Variants in TTC28 observed in about 807,000 individuals in gnomAD.
TTC28 encodes tetratricopeptide repeat protein 28.
A neutral mutation model predicts 198.0 loss-of-function variants in TTC28; 61 were observed. The ratio of observed to expected loss-of-function variants is 0.31; its 90% CI spans 0.25 to 0.38. The LOEUF is 0.38. Among genes scored for constraint, TTC28 ranks in the 10% least tolerant of loss-of-function variants. TTC28 has a pLI of 1.00. For synonymous variants in TTC28, 1,171 were observed against 1,297.8 expected, an observed-to-expected ratio of 0.90 and a Z score of 2.10; for missense variants, 2,678 against 3,164.0, an observed-to-expected ratio of 0.85 and a Z score of 3.69.
chr22:28,127,389 A>G (rs962946268), intron 6 of TTC28, among the ~76,000 whole-genome samples: 2 of 152,204 alleles, frequency 1.3e-5, no homozygotes, highest in Non-Finnish European at 2.9e-5. Context: ...CACTTACTCC[A>G]GTGTAATGGT....
chr22:28,669,868 C>A (rs1232863222), intron 1 of TTC28, among the ~76,000 whole-genome samples: 1 of 151,930 alleles, frequency 6.6e-6, no homozygotes, highest in Admixed American at 6.6e-5. Flanking sequence ...CAATTACTGG[C>A]AAAAAATGTT....
At chr22:28,084,428 C>T (rs529339678) in intron 12 of TTC28, among the ~76,000 whole-genome samples, 14 of 152,286 alleles carry the variant, frequency 9.2e-5, no homozygotes, top group African/African-American at 3.4e-4. Flanking sequence ...CAGTAAACTC[C>T]AACAGACCTG....
At chr22:28,583,989 TTTTTTGTTTTG>T (rs1258285445) in intron 2 of TTC28, among the ~76,000 whole-genome samples, 3 of 151,266 alleles carry the variant, frequency 2.0e-5, no homozygotes, top group Middle Eastern at 3.4e-3. Context: ...TCTCCGTTTT[TTTTTTGTTTTG>T]TTTTTGTTTT....
chr22:28,410,612 G>A (rs2047066147), intron 2 of TTC28, among the ~76,000 whole-genome samples: 1 of 152,274 alleles, frequency 6.6e-6, no homozygotes, highest in Admixed American at 6.5e-5. Context: ...AAGATGTGTG[G>A]GATTCAGAAA....
intron 2 of TTC28, among the ~76,000 whole-genome samples, chr22:28,541,467 A>C (rs12165880): frequency 0.018 from 2,716 of 152,322 alleles, 48 homozygotes; most frequent in Non-Finnish European, 0.025. Context: ...ACAAGTATGC[A>C]AATAATTGCC....
chr22:28,430,819 C>T (rs188918652), intron 2 of TTC28, among the ~76,000 whole-genome samples: 230 of 151,788 alleles, frequency 1.5e-3, no homozygotes, highest in Non-Finnish European at 2.7e-3. Context: ...GGCCAATCAC[C>T]GTCTGGATTT....
chr22:28,367,325 G>A (rs575165322), intron 2 of TTC28, among the ~76,000 whole-genome samples: 4 of 152,120 alleles, frequency 2.6e-5, no homozygotes, highest in African/African-American at 9.6e-5. Flanking sequence ...TAAACAAAAT[G>A]CTCCTGAATG....
At chr22:28,391,127 CT>C (rs2046711787) in intron 2 of TTC28, among the ~76,000 whole-genome samples, 1 of 152,082 alleles carries the variant, frequency 6.6e-6, no homozygotes, top group South Asian at 2.1e-4. Context: ...ATATGAAATT[CT>C]GGGTTGAAAA....
intron 2 of TTC28, among the ~76,000 whole-genome samples, chr22:28,346,156 GTAAA>G (rs1425373053): frequency 6.6e-6 from 1 of 152,084 alleles, no homozygotes; most frequent in Admixed American, 6.6e-5. Flanking sequence ...ATTCAAGAGG[GTAAA>G]TAAATTGCCC....
chr22:28,155,400 G>A (rs1263577831), intron 6 of TTC28, among the ~76,000 whole-genome samples: 1 of 152,174 alleles, frequency 6.6e-6, no homozygotes, highest in African/African-American at 2.4e-5. Context: ...CCACAGAGTA[G>A]AACATAGTTC....
At chr22:28,120,593 G>C (rs1011015970) in intron 6 of TTC28, among the ~76,000 whole-genome samples, 6 of 152,162 alleles carry the variant, frequency 3.9e-5, no homozygotes, top group Admixed American at 6.5e-5. Flanking sequence ...TGAAGACAAA[G>C]CCCATCCTCC....
intron 5 of TTC28, among the ~76,000 whole-genome samples, chr22:28,193,650 A>G (rs1925101599): frequency 6.6e-6 from 1 of 152,208 alleles, no homozygotes; most frequent in Non-Finnish European, 1.5e-5. Context: ...GTCTCGGATA[A>G]AACAGACTTT....
intron 12 of TTC28, among the ~76,000 whole-genome samples, chr22:28,089,246 A>G (rs960310433): frequency 4.6e-5 from 7 of 152,170 alleles, no homozygotes; most frequent in Admixed American, 4.6e-4. Flanking sequence ...TCACAATAGC[A>G]AAGACTTGGA....
intron 13 of TTC28, among the ~76,000 whole-genome samples, chr22:28,016,154 GC>G (rs1938365070): frequency 6.6e-6 from 1 of 152,072 alleles, no homozygotes; most frequent in Non-Finnish European, 1.5e-5. Context: ...GGGCCAGGGA[GC>G]CCACTCACAT....
At chr22:28,132,085 A>G (rs1943071206) in intron 6 of TTC28, among the ~76,000 whole-genome samples, 1 of 152,194 alleles carries the variant, frequency 6.6e-6, no homozygotes, top group South Asian at 2.1e-4. Context: ...AAGAAAAAAG[A>G]AAAATGCTCA....
rs1465795472 is a variant in TTC28 at position 28,071,476 on chromosome 22, G to A, written c.3932+22604C>T. 2.0e-5 allele frequency among the ~76,000 whole-genome samples: 3 copies of A among 147,794 alleles called. No homozygotes were observed. The Admixed American group carries it at 2.0e-4, about 10-fold the overall frequency. On this transcript the variant is annotated intron_variant, in intron 12 of 22. Coordinates refer to ENST00000397906, the MANE Select transcript of TTC28 (RefSeq NM_001145418.2). ...AAATCATCATTCTCAGTAAACTATC[G>A]CAAGAACAAAAAACCAAACACCGCA... is the stretch of plus-strand genomic sequence containing the variant.
intron 2 of TTC28, among the ~76,000 whole-genome samples, chr22:28,541,343 GC>G: frequency 6.6e-6 from 1 of 152,174 alleles, no homozygotes; most frequent in South Asian, 2.1e-4. Flanking sequence ...CCAAAACAAA[GC>G]ACAGAGGTCT....
At chr22:28,371,598 A>ATTTTTT (rs1409625873) in intron 2 of TTC28, among the ~76,000 whole-genome samples, 1,091 of 27,722 alleles carry the variant, frequency 0.039, 290 homozygotes, top group Non-Finnish European at 0.051. Context: ...AAAAAAAAAA[A>ATTTTTT]TTTTTTTTTT....
rs1937548917 is a variant in TTC28, at chr22:27,996,193, G to A, written c.5186C>T (p.Thr1729Ile). ...ACGCTCCGGGTGCTGCAGGATCTCT[G>A]TGAGGGCCTGGCCGATGAGTGATGA... Reference protein sequence around the residue: ...SPSSLIGQALTEILQHPERAR... With the variant: ...SPSSLIGQALIEILQHPERAR... Residue 1729 changes from threonine to isoleucine, a missense_variant, in exon 17 of 23, where the codon ACA (threonine) becomes ATA (isoleucine). Physicochemically the swap from Thr to Ile is moderately conservative, Grantham distance 89. This residue lies in a region of TTC28 where 314 missense variants were observed against 442.7 expected (regional missense o/e 0.71). Coordinates refer to ENST00000397906, the MANE Select transcript of TTC28 (RefSeq NM_001145418.2). The A allele has an allele frequency of 6.4e-7, 1 of 1,551,134 alleles. No homozygotes were observed. The highest frequency in any genetic ancestry group is 1.4e-5 in the African/African-American group (1 of 73,070).
Sources: allele counts gnomAD v4.1 joint callset (sites outside exome capture counted in the v4.1 genomes callset), GRCh38; gene constraint gnomAD v4.1.1; regional missense constraint gnomAD v4.1.1; transcripts MANE v1.5; gene names NCBI Gene and HGNC (gene_info 2026-07-23, HGNC 2026-07-21).